Variants in LEKR1 observed in about 807,000 individuals in gnomAD.
The protein encoded by LEKR1 is protein LEKR1.
LEKR1 carries 59 observed loss-of-function variants against 72.4 expected under a neutral mutation model. The ratio of observed to expected loss-of-function variants is 0.82; its 90% CI spans 0.66 to 1.01. The LOEUF (loss-of-function observed/expected upper bound fraction) is 1.01, where lower values mean the gene tolerates loss of function less well. LEKR1 is among the 50% of genes least tolerant of loss of function. The probability of loss-of-function intolerance (pLI) is 0.00; values close to 1 mark genes in which losing one functional copy is unlikely to be tolerated. For synonymous variants in LEKR1, 257 were observed against 263.2 expected, an observed-to-expected ratio of 0.98 and a Z score of 0.23; for missense variants, 728 against 759.2, an observed-to-expected ratio of 0.96 and a Z score of 0.48.
chr3:156,838,502 C>G lies in LEKR1; in HGVS notation c.48+9125C>G, dbSNP rs373773053. On this transcript the variant is annotated intron_variant, in intron 2 of 12. Coordinates refer to ENST00000356539, the MANE Select transcript of LEKR1 (RefSeq NM_001004316.3). ...ATTTTGGGAGAGCCAGCTAATACCC[C>G]CAAAGGAGCCAAACCAAGACACTTG... Among the ~76,000 whole-genome samples the G allele has an allele frequency of 1.5e-4, 23 of 152,290 alleles. No individual in the cohort carries two copies. The South Asian group carries it at 3.3e-3, about 22-fold the overall frequency.
intron 3 of LEKR1, among the ~76,000 whole-genome samples, chr3:156,896,246 TG>T (rs1223969605): frequency 3.9e-5 from 6 of 152,220 alleles, no homozygotes; most frequent in African/African-American, 1.4e-4. Context: ...TAATGGATGC[TG>T]GGCATAATAT....
Position 156,993,155 on chromosome 3 carries a change from T to G in LEKR1, c.987T>G (p.Thr329=). ...ATAAAGCATTACAGGAAGAGCTGACTGTGAAAGAAAAGCAAGAAGAAGACA... is the reference window on the plus strand; with the variant it reads ...ATAAAGCATTACAGGAAGAGCTGACGGTGAAAGAAAAGCAAGAAGAAGACA... The part of the protein sequence containing the change: ...QIYKALQEEL[T]VKEKQEEDIK... The change falls in exon 9 of 13, where the codon ACT becomes ACG. Residue 329 remains threonine (T), a synonymous_variant. Coordinates refer to ENST00000356539, the MANE Select transcript of LEKR1 (RefSeq NM_001004316.3). 1.2e-6 allele frequency: 2 copies of G among 1,612,518 alleles called. No individual in the cohort carries two copies. The highest frequency in any genetic ancestry group is 1.7e-6 in the Non-Finnish European group (2 of 1,179,008).
intron 4 of LEKR1, among the ~76,000 whole-genome samples, chr3:156,921,338 TA>T: frequency 6.7e-6 from 1 of 150,338 alleles, no homozygotes; most frequent in African/African-American, 2.5e-5. Context: ...TCTGGATGAC[TA>T]AAAAAGTATG....
intron 3 of LEKR1, among the ~76,000 whole-genome samples, chr3:156,896,003 G>A (rs747661594): frequency 3.9e-5 from 6 of 152,134 alleles, no homozygotes; most frequent in African/African-American, 1.2e-4. Context: ...TGTGGTGCAC[G>A]TACACTGTGG....
At chr3:156,918,541 G>A (rs1026041529) in intron 3 of LEKR1, among the ~76,000 whole-genome samples, 9 of 152,076 alleles carry the variant, frequency 5.9e-5, no homozygotes, top group Non-Finnish European at 1.2e-4. Context: ...CAGAGAGTTG[G>A]AAGGATATGA....
chr3:156,964,893 A>G (rs557595121), intron 6 of LEKR1, among the ~76,000 whole-genome samples: 26 of 152,276 alleles, frequency 1.7e-4, no homozygotes, highest in Middle Eastern at 3.4e-3. Flanking sequence ...AACTTACTTT[A>G]TTATTAACCC....
At chr3:156,858,964 T>A (rs1716424444) in intron 3 of LEKR1, among the ~76,000 whole-genome samples, 1 of 152,200 alleles carries the variant, frequency 6.6e-6, no homozygotes, top group South Asian at 2.1e-4. Flanking sequence ...GGATAGGTTG[T>A]TTTTTGACTA....
intron 3 of LEKR1, among the ~76,000 whole-genome samples, chr3:156,897,771 G>A (rs1292651655): frequency 6.6e-6 from 1 of 152,110 alleles, no homozygotes; most frequent in Non-Finnish European, 1.5e-5. Context: ...TGGCCAACAT[G>A]GCCAAACCTC....
chr3:157,007,485 T>G (rs1207733800), intron 9 of LEKR1, among the ~76,000 whole-genome samples: 1 of 152,232 alleles, frequency 6.6e-6, no homozygotes. Flanking sequence ...TCCCGTGGGA[T>G]TTCAGAGTTG....
chr3:156,850,720 G>T (rs1715250900), intron 2 of LEKR1, among the ~76,000 whole-genome samples: 1 of 152,114 alleles, frequency 6.6e-6, no homozygotes, highest in Admixed American at 6.6e-5. Flanking sequence ...GGTTCTTCTG[G>T]GTCTGATGTC....
intron 2 of LEKR1, among the ~76,000 whole-genome samples, chr3:156,836,192 T>G (rs1055629429): frequency 2.0e-5 from 3 of 152,150 alleles, no homozygotes; most frequent in African/African-American, 7.2e-5. Flanking sequence ...TAATTTCTGA[T>G]ATCCTCAAAA....
At chr3:156,882,502 A>G (rs1191040441) in intron 3 of LEKR1, among the ~76,000 whole-genome samples, 2 of 152,156 alleles carry the variant, frequency 1.3e-5, no homozygotes, top group Non-Finnish European at 1.5e-5. Context: ...TCAGGAAACA[A>G]CAGGTGCTGG....
intron 9 of LEKR1, among the ~76,000 whole-genome samples, chr3:156,997,050 A>G (rs571844012): frequency 6.7e-6 from 1 of 149,980 alleles, no homozygotes; most frequent in East Asian, 2.0e-4. Flanking sequence ...GGGCAACAAG[A>G]GCAAAACTTC....
chr3:156,958,059 T>G (rs966051145), intron 6 of LEKR1, among the ~76,000 whole-genome samples: 9 of 152,192 alleles, frequency 5.9e-5, no homozygotes, highest in African/African-American at 2.2e-4. Context: ...TTAAAATTAA[T>G]AAGTCAGAAG....
chr3:156,834,053 C>T (rs1263054015), intron 2 of LEKR1, among the ~76,000 whole-genome samples: 1 of 151,874 alleles, frequency 6.6e-6, no homozygotes, highest in Non-Finnish European at 1.5e-5. Flanking sequence ...TTTAATAAAA[C>T]CTTATAAACA....
At chr3:156,983,089 T>C (rs1327622136) in intron 7 of LEKR1, among the ~76,000 whole-genome samples, 1 of 152,184 alleles carries the variant, frequency 6.6e-6, no homozygotes, top group East Asian at 1.9e-4. Flanking sequence ...ATCATCAGCA[T>C]TTCTGCAATT....
intron 9 of LEKR1, among the ~76,000 whole-genome samples, chr3:157,006,181 A>T (rs1273445383): frequency 3.3e-5 from 5 of 151,000 alleles, no homozygotes; most frequent in Admixed American, 3.3e-4. Context: ...AATTTTTTGT[A>T]TTTTTAGTAG....
At chr3:156,880,050 G>A (rs1409127594) in intron 3 of LEKR1, among the ~76,000 whole-genome samples, 1 of 152,212 alleles carries the variant, frequency 6.6e-6, no homozygotes, top group African/African-American at 2.4e-5. Flanking sequence ...TACCCACTGG[G>A]GCACTGCCTA....
At chr3:157,044,792 G>C (rs1204545342) in intron 12 of LEKR1, among the ~76,000 whole-genome samples, 1 of 152,144 alleles carries the variant, frequency 6.6e-6, no homozygotes, top group Non-Finnish European at 1.5e-5. Flanking sequence ...GTTCCACTGA[G>C]AAAGCATCAT....
Sources: gnomAD v4.1 joint callset for allele counts (sites outside exome capture counted in the v4.1 genomes callset) on GRCh38, gnomAD v4.1.1 for gene constraint, MANE v1.5 for transcripts, NCBI Gene and HGNC (gene_info 2026-07-23, HGNC 2026-07-21) for gene names.